GRIK5: variants seen among roughly 807,000 people sequenced by gnomAD.
The protein encoded by GRIK5 is glutamate receptor ionotropic, kainate 5.
GRIK5 carries 43 observed loss-of-function variants against 97.4 expected under a neutral mutation model. The observed-to-expected ratio is 0.44, with a 90% CI of 0.35 to 0.57. GRIK5 has a LOEUF of 0.57. GRIK5 is among the 20% of genes least tolerant of loss of function. The pLI is 0.01. For missense variants in GRIK5, 1,015 were observed against 1,382.0 expected (o/e 0.73, Z 4.21); for synonymous variants, 580 against 583.5 (o/e 0.99, Z 0.09).
Position 41,999,042 on chromosome 19 carries a change from G to T in GRIK5, c.2772C>A (p.Pro924=), listed in dbSNP as rs1286180688. ...AGACGCGCACGTGGGTGCAGGGGGT[G>T]GGGGCGGCGGGTCGGGCTCCGCTGG... ...GPPSGARPAA[P]TPCTHVRVCQ... Residue 924 remains proline, a synonymous_variant, in exon 20 of 20, where the codon CCC becomes CCA. Transcript: ENST00000593562. This position sits in a 1 kb window ranked among gnomAD's most constrained non-coding sequence, Gnocchi z 5.0. The T allele has an allele frequency of 5.7e-6, 7 of 1,236,586 alleles. No homozygotes were observed. The highest frequency in any genetic ancestry group is 4.4e-5 in the Admixed American group (1 of 22,540). 76.6% of individuals were successfully genotyped at this position (1,236,586 alleles called of 1,614,324 possible).
intron 12 of GRIK5, among the ~76,000 whole-genome samples, chr19:42,039,080 C>A (rs775844108): frequency 6.6e-6 from 1 of 152,166 alleles, no homozygotes. Flanking sequence ...GACGTTCTCC[C>A]GCCTGAGGCC....
At chr19:42,031,792 C>T (rs2146080013) in intron 12 of GRIK5, among the ~76,000 whole-genome samples, 1 of 152,306 alleles carries the variant, frequency 6.6e-6, no homozygotes, top group Admixed American at 6.5e-5. Context: ...TTCAGAGAAC[C>T]AATCCTAAGA....
intron 11 of GRIK5, among the ~76,000 whole-genome samples, chr19:42,047,876 C>A (rs1254220000): frequency 1.4e-5 from 2 of 146,378 alleles, no homozygotes; most frequent in Non-Finnish European, 3.0e-5. Context: ...GAGGCTGAGA[C>A]AGGAGAATCA....
At chr19:42,020,342 G>C (rs2075681958) in intron 15 of GRIK5, among the ~76,000 whole-genome samples, 1 of 152,154 alleles carries the variant, frequency 6.6e-6, no homozygotes, top group Admixed American at 6.5e-5. Context: ...GTCCAGTGTT[G>C]ATTTATCTGT....
chr19:42,064,727 G>C (rs539016765), intron 3 of GRIK5, among the ~76,000 whole-genome samples: 1 of 152,342 alleles, frequency 6.6e-6, no homozygotes, highest in East Asian at 1.9e-4. Context: ...CAGCACATCT[G>C]TTCAAGTGAC....
Position 42,042,593 on chromosome 19 carries a change from T to A in GRIK5, c.1432A>T (p.Asn478Tyr). The change falls in exon 12 of 20, where the codon AAC becomes TAC. Residue 478 changes from asparagine to tyrosine, a missense_variant. Around this residue, in one of 5 missense-constraint regions of GRIK5, gnomAD observed 477 missense variants for 701.1 expected, o/e 0.68. Coordinates refer to ENST00000593562, the MANE Select transcript of GRIK5 (RefSeq NM_002088.5). This position sits in a 1 kb window ranked among gnomAD's most constrained non-coding sequence, Gnocchi z 6.9. ...CCAACCATGCCCGTCCAGGAGCCGT[T>A]GGGCTCGGGCGCCCCGTACAGCCCA... ...EDGLYGAPEP[N>Y]GSWTGMVGEL... is the part of the protein sequence containing the mutation. 6.2e-7 allele frequency: 1 copy of A among 1,612,282 alleles called. No individual in the cohort carries two copies. Among genetic ancestry groups the A allele is most frequent in the Non-Finnish European group, 8.5e-7 (1 of 1,179,872 alleles).
intron 6 of GRIK5, among the ~76,000 whole-genome samples, chr19:42,058,456 C>T (rs2076215818): frequency 1.4e-5 from 2 of 147,488 alleles, no homozygotes; most frequent in South Asian, 4.3e-4. Context: ...GCTGGGATTA[C>T]AGGCATGAGC....
At chr19:42,068,904 C>A (rs1197840192) in intron 1 of GRIK5, 4 of 684,848 alleles carry the variant, frequency 5.8e-6, no homozygotes, top group South Asian at 1.5e-5. Flanking sequence ...AAGAGCCAGT[C>A]TGGGACCAGG....
At position 42,059,454 on chromosome 19, in the gene GRIK5, G is replaced by A. The variant is rs116829487; in HGVS notation, c.582C>T (p.Asp194=). 40 of 1,613,790 alleles carry A rather than the reference G, an allele frequency of 2.5e-5. No individual in the cohort carries two copies. The East Asian group carries it at 2.9e-4, about 12-fold the overall frequency. Residue 194 remains aspartate, a synonymous_variant, in exon 6 of 20, where the codon GAC becomes GAT. Transcript: ENST00000593562. Reference sequence around the variant, plus strand: ...GCAGTGGTGTGGGGTCCCGGCTGTCGTCCAACATCCTCACTGACAGCGTCT... The same window carrying A: ...GCAGTGGTGTGGGGTCCCGGCTGTCATCCAACATCCTCACTGACAGCGTCT... ...SKETLSVRML[D]DSRDPTPLLK...
At chr19:42,046,968 A>G (rs1466351802) in intron 11 of GRIK5, among the ~76,000 whole-genome samples, 3 of 151,736 alleles carry the variant, frequency 2.0e-5, no homozygotes, top group Non-Finnish European at 4.4e-5. Context: ...GCTCACTAGA[A>G]CCTCTGCCTC....
At position 42,005,953 on chromosome 19, in the gene GRIK5, G is replaced by A; in HGVS notation, c.2038-5C>T. 4.8e-6 allele frequency: 7 copies of A among 1,466,332 alleles called. No homozygotes were observed. Among genetic ancestry groups the A allele is most frequent in the Non-Finnish European group, 6.6e-6 (7 of 1,056,742 alleles). The allele number at this position is 1,466,332 out of a possible 1,614,324, so 90.8% of individuals were successfully genotyped here. On this transcript the variant is annotated splice_region_variant and splice_polypyrimidine_tract_variant and intron_variant, in intron 16 of 19. Coordinates refer to ENST00000593562, the MANE Select transcript of GRIK5 (RefSeq NM_002088.5). Reference sequence around the variant, plus strand: ...GTACGTTTGGTACCGTGAATTCTGGGCAGGAGGATCACAAGGGGAAGATGG... The same window carrying A: ...GTACGTTTGGTACCGTGAATTCTGGACAGGAGGATCACAAGGGGAAGATGG...
intron 5 of GRIK5, 148 bp from the exon 6 acceptor site, chr19:42,059,675 G>C: frequency 3.1e-6 from 2 of 637,746 alleles, no homozygotes; most frequent in Non-Finnish European, 5.3e-6. Context: ...GGGGTAATGG[G>C]CTTGGGGACC....
Position 42,002,348 on chromosome 19 carries a change from C to T in GRIK5, c.2514+984G>A, listed in dbSNP as rs782637760. 1.5e-5 allele frequency: 11 copies of T among 717,446 alleles called. No homozygotes were observed. The highest frequency in any genetic ancestry group is 4.6e-4 in the Middle Eastern group (2 of 4,394). The allele number at this position is 717,446 out of a possible 1,614,324, so 44.4% of individuals were successfully genotyped here. A position where few individuals can be genotyped will look rare whatever the true frequency, so the allele number is the denominator to read the frequency against. ...CTGGAGAAATGACAGCATATTTGTA[C>T]GTTGGTGGCCTGAATCCAATAAAGA... On this transcript the variant is annotated intron_variant, in intron 19 of 19. Coordinates refer to ENST00000593562, the MANE Select transcript of GRIK5 (RefSeq NM_002088.5). The surrounding 1 kb of genome is among the most constrained non-coding windows in gnomAD (Gnocchi z 5.2).
In GRIK5 at chr19:42,062,614, G is replaced by A. The variant is rs758915990; in HGVS notation, c.382C>T (p.Leu128Phe). ...ACAGACGCGAAGCGAAGGTACTGAAGGCGGGGTGTCTCCTCGGGACCCACC... is the reference window on the plus strand; with the variant it reads ...ACAGACGCGAAGCGAAGGTACTGAAAGCGGGGTGTCTCCTCGGGACCCACC... ...IKVGPEETPR[L>F]QYLRFASVSL... Residue 128 changes from leucine to phenylalanine, a missense_variant, in exon 5 of 20, where the codon CTT becomes TTT. By Grantham distance (22) the Leu-to-Phe change is conservative. Around this residue, in one of 5 missense-constraint regions of GRIK5, gnomAD observed 198 missense variants for 218.2 expected, o/e 0.91. Coordinates refer to ENST00000593562, the MANE Select transcript of GRIK5 (RefSeq NM_002088.5). The surrounding 1 kb of genome is among the most constrained non-coding windows in gnomAD (Gnocchi z 5.3). The A allele has an allele frequency of 1.3e-5, 21 of 1,614,064 alleles. No individual in the cohort carries two copies. In the Admixed American group the frequency reaches 3.5e-4, roughly 27 times the overall value.
chr19:41,999,354 C>T lies in GRIK5; in HGVS notation c.2515-55G>A. On this transcript the variant is annotated intron_variant, in intron 19 of 19. Transcript: ENST00000593562. The surrounding 1 kb of genome is among the most constrained non-coding windows in gnomAD (Gnocchi z 5.0). ...GGCGCAGTCCGCCTCCCGCCTCCCC[C>T]AGCCCCTCTCCACATCCCACTCCTC... 2 of 1,358,132 alleles carry T rather than the reference C, an allele frequency of 1.5e-6. No individual in the cohort carries two copies. Among genetic ancestry groups the T allele is most frequent in the Non-Finnish European group, 2.0e-6 (2 of 1,017,032 alleles). 84.1% of individuals were successfully genotyped at this position (1,358,132 alleles called of 1,614,324 possible).
intron 12 of GRIK5, among the ~76,000 whole-genome samples, chr19:42,033,817 A>T (rs1438600177): frequency 6.6e-6 from 1 of 152,130 alleles, no homozygotes; most frequent in Non-Finnish European, 1.5e-5. Flanking sequence ...CATGGAAACA[A>T]GGCAAAACGC....
At position 42,062,896 on chromosome 19, in the gene GRIK5, C is replaced by T. The variant is rs1246029468; in HGVS notation, c.245-41G>A. 9 of 1,452,142 alleles carry T rather than the reference C, an allele frequency of 6.2e-6. No homozygotes were observed. The highest frequency in any genetic ancestry group is 8.7e-6 in the Non-Finnish European group (9 of 1,033,782). 90.0% of individuals were successfully genotyped at this position (1,452,142 alleles called of 1,614,324 possible). A position where few individuals can be genotyped will look rare whatever the true frequency, so the allele number is the denominator to read the frequency against. On this transcript the variant is annotated intron_variant, in intron 3 of 19. Coordinates refer to ENST00000593562, the MANE Select transcript of GRIK5 (RefSeq NM_002088.5). The surrounding 1 kb of genome is among the most constrained non-coding windows in gnomAD (Gnocchi z 5.3). ...AAGAGACCGCAGAGTCAGGGACCCC[C>T]TGCCTCCTCTCCTTCCCCATCCCTC...
chr19:42,037,961 G>T (rs923881665), intron 12 of GRIK5, among the ~76,000 whole-genome samples: 3 of 152,186 alleles, frequency 2.0e-5, no homozygotes, highest in African/African-American at 4.8e-5. Context: ...CACAGGGCAG[G>T]TTTCCAGGGG....
At chr19:42,028,959 A>G (rs2075804950) in intron 12 of GRIK5, among the ~76,000 whole-genome samples, 1 of 152,240 alleles carries the variant, frequency 6.6e-6, no homozygotes. Context: ...AGGTCAGTGC[A>G]GTGGCCCATG....
Sources: gnomAD v4.1 joint callset for allele counts (sites outside exome capture counted in the v4.1 genomes callset) on GRCh38, gnomAD v4.1.1 for gene constraint, gnomAD v4.1.1 regional missense constraint, Gnocchi (gnomAD v3.1) non-coding constraint, MANE v1.5 for transcripts, NCBI Gene and HGNC (gene_info 2026-07-23, HGNC 2026-07-21) for gene names.